Variants in QKI observed in about 807,000 individuals in gnomAD.
QKI encodes the protein QKI, KH domain containing RNA binding.
Under a neutral mutation model 39.0 loss-of-function variants are expected in QKI, and 10 were observed. The ratio of observed to expected loss-of-function variants is 0.26; its 90% confidence interval spans 0.16 to 0.43. QKI has a LOEUF of 0.43. Ranked by LOEUF, QKI falls within the 20% of genes least tolerant of loss-of-function variation. QKI has a pLI of 1.00. For missense variants in QKI, 218 were observed against 428.0 expected (o/e 0.51, Z 4.33); for synonymous variants, 204 against 155.4 (o/e 1.31, Z -2.33).
chr6:163,518,293 T>G (rs112912796), intron 3 of QKI, among the ~76,000 whole-genome samples: 1,946 of 152,282 alleles, frequency 0.013, 44 homozygotes, highest in African/African-American at 0.045. Flanking sequence ...TGTGGTAGGC[T>G]GTGCGCTAAG....
intron 2 of QKI, among the ~76,000 whole-genome samples, chr6:163,476,570 A>G (rs1266669736): frequency 2.0e-5 from 3 of 152,260 alleles, no homozygotes; most frequent in South Asian, 4.1e-4. Context: ...GGTTATTTCA[A>G]TTTTTCTAGA....
Position 163,431,289 on chromosome 6 carries a change from A to C in QKI, c.142+15954A>C, listed in dbSNP as rs80085853. Reference sequence around the variant, plus strand: ...CTTTCATTAAATAACAATTCAGTCAAATGATTTCAGTAATGAATTTTGTCT... The same window carrying C: ...CTTTCATTAAATAACAATTCAGTCACATGATTTCAGTAATGAATTTTGTCT... On this transcript the variant is annotated intron_variant, in intron 1 of 7. Coordinates refer to ENST00000361752, the MANE Select transcript of QKI (RefSeq NM_006775.3). 3.9e-5 allele frequency among the ~76,000 whole-genome samples: 6 copies of C among 152,316 alleles called. No homozygotes were observed. The East Asian group carries it at 9.6e-4, about 24-fold the overall frequency.
Position 163,567,445 on chromosome 6 carries a change from C to T in QKI, c.1009+650C>T, listed in dbSNP as rs566422485. On this transcript the variant is annotated intron_variant, in intron 7 of 7. Transcript: ENST00000361752. ...CCAAAATGGATCCTTTGATTTTTGT[C>T]ATTTGCTGCTAAAATATATTATCTG... is the stretch of plus-strand genomic sequence containing the variant. The T allele has an allele frequency of 1.7e-5, 17 of 985,246 alleles. No individual in the cohort carries two copies. The African/African-American group carries it at 2.3e-4, about 13-fold the overall frequency. The allele number at this position is 985,246 out of a possible 1,614,324, so 61.0% of individuals were successfully genotyped here.
chr6:163,543,813 A>G (rs1399611093), intron 4 of QKI, among the ~76,000 whole-genome samples: 3 of 152,034 alleles, frequency 2.0e-5, no homozygotes, highest in Admixed American at 1.3e-4. Context: ...ATTTGAGGAA[A>G]GACATTTTGT....
chr6:163,535,788 C>T lies in QKI; in HGVS notation c.546+663C>T, dbSNP rs539226343. Among the ~76,000 whole-genome samples the T allele has an allele frequency of 3.7e-4, 56 of 151,890 alleles. No individual in the cohort carries two copies. In the South Asian group the frequency reaches 0.011, roughly 30 times the overall value. On this transcript the variant is annotated intron_variant, in intron 4 of 7. Coordinates refer to ENST00000361752, the MANE Select transcript of QKI (RefSeq NM_006775.3). The stretch of plus-strand genomic sequence containing the variant: ...TCTACTAAAAATACAAAAAATAAGT[C>T]GGGCGTGATGGCAGGCACCTGTAAT...
chr6:163,477,743 AG>A (rs1470066371), intron 2 of QKI, among the ~76,000 whole-genome samples: 3 of 152,218 alleles, frequency 2.0e-5, no homozygotes, highest in Non-Finnish European at 4.4e-5. Flanking sequence ...CTTTCATTTG[AG>A]AATCACTTTT....
chr6:163,510,254 A>T (rs914949453), intron 3 of QKI, among the ~76,000 whole-genome samples: 1 of 124,046 alleles, frequency 8.1e-6, no homozygotes, highest in African/African-American at 2.7e-5. Context: ...TAATAATAAT[A>T]ATAATAAGTA....
intron 2 of QKI, among the ~76,000 whole-genome samples, chr6:163,474,874 A>G (rs1485392058): frequency 6.6e-6 from 1 of 151,576 alleles, no homozygotes; most frequent in Non-Finnish European, 1.5e-5. Context: ...ACAGTGCTCT[A>G]TGATTGTGCC....
At chr6:163,477,017 TTTG>T (rs142663676) in intron 2 of QKI, among the ~76,000 whole-genome samples, 74,901 of 120,452 alleles carry the variant, frequency 0.62, 22,106 homozygotes, top group East Asian at 0.93. Context: ...TTTGTTTTGT[TTTG>T]TTTTTTTTTT....
chr6:163,445,727 A>T (rs1176928468), intron 1 of QKI, among the ~76,000 whole-genome samples: 3 of 149,302 alleles, frequency 2.0e-5, no homozygotes, highest in African/African-American at 7.4e-5. Flanking sequence ...CCATTCTCCT[A>T]CCTCAGCCTC....
At position 163,455,552 on chromosome 6, in the gene QKI, T is replaced by C. The variant is rs1255187375; in HGVS notation, c.285+131T>C. On this transcript the variant is annotated intron_variant, in intron 2 of 7. Coordinates refer to ENST00000361752, the MANE Select transcript of QKI (RefSeq NM_006775.3). ...ATGCAGTCATCAACTGAAGTGTGAA[T>C]AATTTGGCATGATAATTTAAAAAAT... 12 of 918,784 alleles carry C rather than the reference T, an allele frequency of 1.3e-5. No individual in the cohort carries two copies. The East Asian group carries it at 2.8e-4, about 21-fold the overall frequency. 56.9% of individuals were successfully genotyped at this position (918,784 alleles called of 1,614,324 possible).
chr6:163,502,410 A>G (rs1778829418), intron 3 of QKI, among the ~76,000 whole-genome samples: 1 of 152,186 alleles, frequency 6.6e-6, no homozygotes, highest in South Asian at 2.1e-4. Flanking sequence ...AGCCTTGTAG[A>G]CTAGTTAAAG....
In QKI at chr6:163,415,316, C is replaced by G. The variant is rs1474693177; in HGVS notation, c.123C>G (p.Leu41=). The G allele has an allele frequency of 2.5e-6, 4 of 1,590,174 alleles. No individual in the cohort carries two copies. In the African/African-American group the frequency reaches 4.1e-5, roughly 16 times the overall value. ...ACTTCTGCGGGATCTTCAACCACCTCGAGCGGCTGCTGGACGAAGGTGAGC... is the reference window on the plus strand; with the variant it reads ...ACTTCTGCGGGATCTTCAACCACCTGGAGCGGCTGCTGGACGAAGGTGAGC... ...LPNFCGIFNH[L]ERLLDEEISR... Residue 41 remains leucine (L), a synonymous_variant, in exon 1 of 8, where the codon CTC becomes CTG. Transcript: ENST00000361752.
intron 3 of QKI, among the ~76,000 whole-genome samples, chr6:163,484,926 C>G (rs1460412052): frequency 6.6e-6 from 1 of 152,142 alleles, no homozygotes; most frequent in African/African-American, 2.4e-5. Flanking sequence ...TTGTTTGATG[C>G]AGGGTTGCCA....
chr6:163,534,258 C>T (rs1233459180), intron 3 of QKI, among the ~76,000 whole-genome samples: 1 of 152,076 alleles, frequency 6.6e-6, no homozygotes, highest in Admixed American at 6.6e-5. Flanking sequence ...CTCTATGAAA[C>T]TAGTATTTAT....
At chr6:163,550,975 G>A (rs1409215547) in intron 4 of QKI, among the ~76,000 whole-genome samples, 1 of 149,096 alleles carries the variant, frequency 6.7e-6, no homozygotes, top group African/African-American at 2.5e-5. Flanking sequence ...TGCTTCTGTT[G>A]GAGGACAGGG....
intron 4 of QKI, among the ~76,000 whole-genome samples, chr6:163,561,600 C>T (rs984883541): frequency 2.0e-5 from 3 of 151,976 alleles, no homozygotes; most frequent in Admixed American, 2.0e-4. Context: ...AGAGCAAGAC[C>T]CTGTATCTAA....
At chr6:163,524,331 AAAAT>A (rs1281223459) in intron 3 of QKI, among the ~76,000 whole-genome samples, 7 of 123,744 alleles carry the variant, frequency 5.7e-5, no homozygotes, top group Non-Finnish European at 7.1e-5. Flanking sequence ...AGTTGGTTAA[AAAAT>A]AAATTATCTT....
intron 1 of QKI, among the ~76,000 whole-genome samples, chr6:163,440,097 TCTTTA>T (rs1263980238): frequency 2.0e-5 from 3 of 152,206 alleles, no homozygotes; most frequent in African/African-American, 7.2e-5. Flanking sequence ...ACTTTTTTGT[TCTTTA>T]CTTTATTCAT....
Sources: gnomAD v4.1 joint callset for allele counts (sites outside exome capture counted in the v4.1 genomes callset) on GRCh38, gnomAD v4.1.1 for gene constraint, MANE v1.5 for transcripts, NCBI Gene and HGNC (gene_info 2026-07-23, HGNC 2026-07-21) for gene names.